MARCHF10: variants seen among roughly 807,000 people sequenced by gnomAD.
MARCHF10 encodes the protein probable E3 ubiquitin-protein ligase MARCHF10.
A neutral mutation model predicts 76.2 loss-of-function variants in MARCHF10; 64 were observed. The ratio of observed to expected loss-of-function variants is 0.84; its 90% CI spans 0.69 to 1.03. MARCHF10 has a LOEUF of 1.03. Among genes scored for constraint, MARCHF10 ranks in the 50% least tolerant of loss-of-function variants. The pLI is 0.00. For missense variants in MARCHF10, 875 were observed against 958.0 expected, an observed-to-expected ratio of 0.91 and a Z score of 1.14; for synonymous variants, 340 against 357.5, an observed-to-expected ratio of 0.95 and a Z score of 0.55.
At chr17:62,787,179 C>T (rs1257486608) in intron 3 of MARCHF10, among the ~76,000 whole-genome samples, 2 of 152,160 alleles carry the variant, frequency 1.3e-5, no homozygotes, top group African/African-American at 2.4e-5. Context: ...CACCTTCAGA[C>T]TCTAAGTGAA....
intron 3 of MARCHF10, 35 bp downstream of exon 3, chr17:62,788,445 A>G (rs372597226): frequency 6.2e-7 from 1 of 1,612,754 alleles, no homozygotes; most frequent in Non-Finnish European, 8.5e-7. Context: ...CAGCAGCAGC[A>G]GCCCCAGGAG....
chr17:62,769,479 G>A (rs571085339), intron 3 of MARCHF10, among the ~76,000 whole-genome samples: 1 of 152,154 alleles, frequency 6.6e-6, no homozygotes, highest in Non-Finnish European at 1.5e-5. Context: ...GTGCAGTGGC[G>A]TGATCTCGGC....
At chr17:62,793,319 C>A (rs202184160) in intron 2 of MARCHF10, among the ~76,000 whole-genome samples, 9,124 of 145,436 alleles carry the variant, frequency 0.063, 471 homozygotes, top group East Asian at 0.3. Flanking sequence ...CCACCACCAC[C>A]TCCACCACCA....
intron 3 of MARCHF10, among the ~76,000 whole-genome samples, chr17:62,771,908 G>C (rs1487283869): frequency 6.6e-6 from 1 of 152,120 alleles, no homozygotes; most frequent in Non-Finnish European, 1.5e-5. Flanking sequence ...CTGTGTTATA[G>C]AAAATGGGAT....
chr17:62,752,235 C>T (rs1191566928), intron 4 of MARCHF10, among the ~76,000 whole-genome samples: 1 of 152,100 alleles, frequency 6.6e-6, no homozygotes, highest in East Asian at 1.9e-4. Flanking sequence ...CCCAAAGTCC[C>T]CCCAACATCT....
chr17:62,803,984 C>A (rs192182360), intron 1 of MARCHF10, among the ~76,000 whole-genome samples: 109 of 152,268 alleles, frequency 7.2e-4, no homozygotes, highest in African/African-American at 2.5e-3. Context: ...CCTAAAGTTA[C>A]GGAGCTAGTG....
Position 62,733,373 on chromosome 17 carries a change from C to T in MARCHF10, c.1937+2558G>A, listed in dbSNP as rs936708211. Among the ~76,000 whole-genome samples the T allele has an allele frequency of 3.9e-5, 6 of 152,262 alleles. No homozygotes were observed. In the East Asian group the frequency reaches 1.2e-3, roughly 29 times the overall value. On this transcript the variant is annotated intron_variant, in intron 6 of 10. Coordinates refer to ENST00000311269, the MANE Select transcript of MARCHF10 (RefSeq NM_152598.4). ...TAATATTTAAAGAGCATATAAAATG[C>T]CTAACTTCATTAAGTCATGAAAATG...
rs771975039 is a variant in MARCHF10, at chr17:62,735,890, TG to T, written c.1937+40del. On this transcript the variant is annotated intron_variant, in intron 6 of 10. Transcript: ENST00000311269. The stretch of plus-strand genomic sequence containing the variant: ...ACGAAAGCAATGCTAATTTTGGCCT[TG>T]GGAAAGTGGAAAAAATATATAATTA... 8.6e-5 allele frequency: 134 copies of T among 1,564,748 alleles called. 2 individuals are homozygous for T. In the East Asian group the frequency reaches 3.0e-3, roughly 35 times the overall value.
rs185261724 is a variant in MARCHF10, at chr17:62,759,751, G to A, written c.382+84C>T. The A allele has an allele frequency of 2.4e-4, 339 of 1,410,754 alleles. No individual in the cohort carries two copies. In the African/African-American group the frequency reaches 3.6e-3, roughly 15 times the overall value. The allele number at this position is 1,410,754 out of a possible 1,614,324, so 87.4% of individuals were successfully genotyped here. A position where few individuals can be genotyped will look rare whatever the true frequency, so the allele number is the denominator to read the frequency against. On this transcript the variant is annotated intron_variant, in intron 4 of 10. Coordinates refer to ENST00000311269, the MANE Select transcript of MARCHF10 (RefSeq NM_152598.4). ...CTCTCAAAGTGCTGGGATTACAGGCGTGAGCCACCGTGCTCGGCCTGTTGT... is the reference window on the plus strand; with the variant it reads ...CTCTCAAAGTGCTGGGATTACAGGCATGAGCCACCGTGCTCGGCCTGTTGT...
chr17:62,785,110 A>T (rs2148098387), intron 3 of MARCHF10, among the ~76,000 whole-genome samples: 1 of 152,318 alleles, frequency 6.6e-6, no homozygotes. Context: ...GCATCATGCT[A>T]CCTGACTTCA....
chr17:62,737,368 A>T (rs754188007), intron 5 of MARCHF10, 36 bp from the exon 6 acceptor site: 1 of 1,586,384 alleles, frequency 6.3e-7, no homozygotes, highest in South Asian at 1.2e-5. Flanking sequence ...CGTTCCAGTA[A>T]AAGGGCCCAT....
At chr17:62,730,215 C>A (rs560730599) in intron 6 of MARCHF10, among the ~76,000 whole-genome samples, 21 of 151,966 alleles carry the variant, frequency 1.4e-4, no homozygotes, top group African/African-American at 4.3e-4. Flanking sequence ...AACCACACAA[C>A]AAAACCCCAA....
At chr17:62,710,715 C>T (rs2089884297) in intron 9 of MARCHF10, among the ~76,000 whole-genome samples, 1 of 152,120 alleles carries the variant, frequency 6.6e-6, no homozygotes, top group Non-Finnish European at 1.5e-5. Context: ...TGTGCCACCA[C>T]ACCCAGCTAA....
rs1365646743 is a variant in MARCHF10, at chr17:62,711,138, C to T, written c.2328+93G>A. ...ATAGTCCCATATCCTCCCAAGCGAC[C>T]GTGAGGACCTCAACAGCTTGCACAT... On this transcript the variant is annotated intron_variant, in intron 9 of 10. Transcript: ENST00000311269. The surrounding 1 kb of genome is among the most constrained non-coding windows in gnomAD (Gnocchi z 4.4). 32 of 985,532 alleles carry T rather than the reference C, an allele frequency of 3.2e-5. No individual in the cohort carries two copies. Among genetic ancestry groups the T allele is most frequent in the Non-Finnish European group, 3.9e-5 (24 of 621,772 alleles). 61.0% of individuals were successfully genotyped at this position (985,532 alleles called of 1,614,324 possible).
intron 2 of MARCHF10, among the ~76,000 whole-genome samples, chr17:62,789,039 C>T (rs1016164049): frequency 2.0e-4 from 24 of 118,396 alleles, no homozygotes; most frequent in African/African-American, 5.0e-4. Context: ...GTCCGCAGTC[C>T]GGCCTGGGCG....
At chr17:62,756,032 T>C (rs1184027665) in intron 4 of MARCHF10, among the ~76,000 whole-genome samples, 5 of 152,148 alleles carry the variant, frequency 3.3e-5, no homozygotes, top group Non-Finnish European at 7.4e-5. Context: ...GTGGATCACC[T>C]GAGGTCGGGA....
intron 5 of MARCHF10, among the ~76,000 whole-genome samples, chr17:62,741,748 C>G (rs1247810781): frequency 6.6e-6 from 1 of 152,120 alleles, no homozygotes; most frequent in Non-Finnish European, 1.5e-5. Context: ...CCAGGCTGGA[C>G]TGCAGTGGTT....
intron 6 of MARCHF10, among the ~76,000 whole-genome samples, chr17:62,734,255 G>A (rs543217282): frequency 2.0e-5 from 3 of 152,066 alleles, no homozygotes; most frequent in African/African-American, 4.8e-5. Flanking sequence ...ACAACACAAC[G>A]AAATGCAAAA....
intron 8 of MARCHF10, among the ~76,000 whole-genome samples, chr17:62,713,608 G>C (rs1176989059): frequency 6.6e-6 from 1 of 152,156 alleles, no homozygotes; most frequent in Non-Finnish European, 1.5e-5. Flanking sequence ...AGTCAACTCC[G>C]AATCAGCCTT....
Sources: allele counts gnomAD v4.1 joint callset (sites outside exome capture counted in the v4.1 genomes callset), GRCh38; gene constraint gnomAD v4.1.1; non-coding constraint Gnocchi (gnomAD v3.1); transcripts MANE v1.5; gene names NCBI Gene and HGNC (gene_info 2026-07-23, HGNC 2026-07-21).